SFT2D2: variants seen among roughly 807,000 people sequenced by gnomAD.
SFT2D2 encodes vesicle transport protein SFT2B.
Under a neutral mutation model 27.4 loss-of-function variants are expected in SFT2D2, and 21 were observed. The ratio of observed to expected loss-of-function variants is 0.77; its 90% CI spans 0.54 to 1.10. SFT2D2 has a LOEUF of 1.10. Ranked by LOEUF, SFT2D2 falls within the 50% of genes least tolerant of loss-of-function variation. SFT2D2 has a pLI of 0.00. For missense variants in SFT2D2, 187 were observed against 194.2 expected (o/e 0.96, Z 0.22); for synonymous variants, 72 against 71.7 (o/e 1.00, Z -0.02).
intron 1 of SFT2D2, among the ~76,000 whole-genome samples, chr1:168,227,250 T>C (rs893231575): frequency 6.6e-6 from 1 of 152,264 alleles, no homozygotes; most frequent in African/African-American, 2.4e-5. Flanking sequence ...AAAATAACGT[T>C]TCTCTTCGCT....
rs138542621 is a variant in SFT2D2, at chr1:168,231,880, C to T, written c.197C>T (p.Ala66Val). 2.1e-5 allele frequency: 34 copies of T among 1,613,958 alleles called. No individual in the cohort carries two copies. In the African/African-American group the frequency reaches 4.0e-4, roughly 19 times the overall value. ...WVPRKGLHLF[A>V]VFYTFGNIAS... ...CCCAGGAAGGGACTACACCTCTTCG[C>T]AGTGTTTTATACCTTTGGTAATATC... Residue 66 changes from alanine to valine, a missense_variant, in exon 3 of 8, where the codon GCA (alanine) becomes GTA (valine). Ala to Val is a moderately conservative substitution (Grantham distance 64). Transcript: ENST00000271375.
Position 168,239,457 on chromosome 1 carries a change from G to GTTTT in SFT2D2, c.443+314_443+317dup, listed in dbSNP as rs34187475. On this transcript the variant is annotated intron_variant, in intron 7 of 7. Transcript: ENST00000271375. Reference sequence around the variant, plus strand: ...CTTTTAACCCGTAGCTTTGAGTAGGGTTTTTTTTTTTTTTTTTTTTATAAA... The same window carrying GTTTT: ...CTTTTAACCCGTAGCTTTGAGTAGGGTTTTTTTTTTTTTTTTTTTTTTTTATAAA... 5.2e-3 allele frequency among the ~76,000 whole-genome samples: 667 copies of GTTTT among 129,454 alleles called. 4 individuals are homozygous for GTTTT. Among genetic ancestry groups the GTTTT allele is most frequent in the African/African-American group, 0.017 (591 of 34,800 alleles). 84.9% of individuals were successfully genotyped at this position (129,454 alleles called of 152,430 possible). A position where few individuals can be genotyped will look rare whatever the true frequency, so the allele number is the denominator to read the frequency against.
At chr1:168,232,954 T>TGG (rs1647367959) in intron 3 of SFT2D2, among the ~76,000 whole-genome samples, 1 of 152,164 alleles carries the variant, frequency 6.6e-6, no homozygotes, top group Non-Finnish European at 1.5e-5. Context: ...TCTCTCTGTC[T>TGG]CCTCCATTGC....
chr1:168,230,178 C>G (rs1381786958), intron 1 of SFT2D2, among the ~76,000 whole-genome samples: 2 of 152,180 alleles, frequency 1.3e-5, no homozygotes, highest in African/African-American at 4.8e-5. Context: ...GGGTTGAAAA[C>G]AGATCCCTGA....
At chr1:168,236,899 A>G (rs896784783) in intron 6 of SFT2D2, 129 bp downstream of exon 6, 27 of 1,152,494 alleles carry the variant, frequency 2.3e-5, no homozygotes, top group Non-Finnish European at 3.2e-5. Context: ...AAGGATTCGT[A>G]ATGATGAAAG....
intron 1 of SFT2D2, among the ~76,000 whole-genome samples, chr1:168,227,335 T>G (rs191754763): frequency 9.2e-5 from 14 of 152,362 alleles, no homozygotes; most frequent in Admixed American, 9.1e-4. Context: ...AACTGGAAAC[T>G]AATCAGTGTT....
chr1:168,227,279 C>T (rs529379222), intron 1 of SFT2D2, among the ~76,000 whole-genome samples: 5 of 152,294 alleles, frequency 3.3e-5, no homozygotes, highest in Admixed American at 2.6e-4. Context: ...TATTCTTTAG[C>T]CTCCGTTCCC....
At chr1:168,230,117 G>A (rs1700497811) in intron 1 of SFT2D2, among the ~76,000 whole-genome samples, 2 of 152,188 alleles carry the variant, frequency 1.3e-5, no homozygotes, top group Non-Finnish European at 2.9e-5. Context: ...CCTGAGGGGA[G>A]CCTCTCATCC....
intron 6 of SFT2D2, among the ~76,000 whole-genome samples, chr1:168,238,360 T>C (rs1198514917): frequency 6.6e-6 from 1 of 152,092 alleles, no homozygotes; most frequent in Non-Finnish European, 1.5e-5. Context: ...TATAAAATGT[T>C]AGGAGTTCAA....
chr1:168,237,958 C>A (rs1204424292), intron 6 of SFT2D2, among the ~76,000 whole-genome samples: 2 of 151,702 alleles, frequency 1.3e-5, no homozygotes, highest in African/African-American at 4.8e-5. Context: ...TATACACACA[C>A]CTTGCTTTGC....
In SFT2D2 at chr1:168,252,683, C is replaced by T. The variant is rs1453530841; in HGVS notation, c.*10143C>T. Reference sequence around the variant, plus strand: ...TTGGGAGTGAGGACATTCAAAAGCCCATGGTGAATGCATATGCCTTTAGAA... The same window carrying T: ...TTGGGAGTGAGGACATTCAAAAGCCTATGGTGAATGCATATGCCTTTAGAA... On this transcript the variant is annotated 3_prime_UTR_variant, in exon 8 of 8. Coordinates refer to ENST00000271375, the MANE Select transcript of SFT2D2 (RefSeq NM_199344.3). 6.6e-6 allele frequency: 1 copy of T among 152,058 alleles called. No homozygotes were observed. Among genetic ancestry groups the T allele is most frequent in the Non-Finnish European group, 1.5e-5 (1 of 68,034 alleles). 9.4% of individuals were successfully genotyped at this position (152,058 alleles called of 1,614,324 possible). A position where few individuals can be genotyped will look rare whatever the true frequency, so the allele number is the denominator to read the frequency against.
chr1:168,233,965 G>A (rs1647405957), intron 3 of SFT2D2, among the ~76,000 whole-genome samples: 1 of 152,212 alleles, frequency 6.6e-6, no homozygotes. Flanking sequence ...GTGAAGCCTT[G>A]CAACTTAATG....
intron 1 of SFT2D2, chr1:168,229,677 C>G (rs769453071): frequency 6.6e-6 from 1 of 152,402 alleles, no homozygotes; most frequent in African/African-American, 2.4e-5. Flanking sequence ...CTCTTTTCTT[C>G]CCACCTGCAG....
Position 168,231,881 on chromosome 1 carries a change from A to G in SFT2D2, c.198A>G (p.Ala66=), listed in dbSNP as rs756248247. 1 of 1,614,138 alleles carries G rather than the reference A, an allele frequency of 6.2e-7. No homozygotes were observed. Among genetic ancestry groups the G allele is most frequent in the Admixed American group, 1.7e-5 (1 of 60,018 alleles). The change falls in exon 3 of 8, where the codon GCA becomes GCG. Residue 66 remains alanine (A), a synonymous_variant. Transcript: ENST00000271375. ...CCAGGAAGGGACTACACCTCTTCGC[A>G]GTGTTTTATACCTTTGGTAATATCG... ...WVPRKGLHLF[A]VFYTFGNIAS... is the part of the protein sequence containing the mutation.
intron 1 of SFT2D2, among the ~76,000 whole-genome samples, chr1:168,228,065 T>C (rs938712604): frequency 6.6e-6 from 1 of 152,238 alleles, no homozygotes; most frequent in Admixed American, 6.5e-5. Flanking sequence ...TAAAATACTT[T>C]GGTCAGTTGG....
chr1:168,245,948 C>T lies in SFT2D2; in HGVS notation c.*3408C>T. On this transcript the variant is annotated 3_prime_UTR_variant, in exon 8 of 8. Coordinates refer to ENST00000271375, the MANE Select transcript of SFT2D2 (RefSeq NM_199344.3). ...ATTTTATAGTCGCTGTAAGTTGATT[C>T]CATTTTTCTTGAAATTGAATTCTCA... The T allele has an allele frequency of 6.0e-6, 1 of 168,012 alleles. No individual in the cohort carries two copies. 10.4% of individuals were successfully genotyped at this position (168,012 alleles called of 1,614,324 possible). A position where few individuals can be genotyped will look rare whatever the true frequency, so the allele number is the denominator to read the frequency against.
intron 7 of SFT2D2, among the ~76,000 whole-genome samples, chr1:168,242,186 A>T (rs1647663475): frequency 6.6e-6 from 1 of 152,186 alleles, no homozygotes; most frequent in African/African-American, 2.4e-5. Context: ...AAGTGCAGCA[A>T]TCCTGACTGA....
At chr1:168,237,248 G>C (rs942235346) in intron 6 of SFT2D2, among the ~76,000 whole-genome samples, 4 of 152,196 alleles carry the variant, frequency 2.6e-5, no homozygotes, top group African/African-American at 7.2e-5. Context: ...AGGAGATGAG[G>C]AACAGTCACT....
At chr1:168,226,676 T>A (rs1345751947) in intron 1 of SFT2D2, among the ~76,000 whole-genome samples, 2 of 152,228 alleles carry the variant, frequency 1.3e-5, no homozygotes, top group South Asian at 2.1e-4. Context: ...CACATTGCCT[T>A]GTGATTGGGG....
Sources: allele counts gnomAD v4.1 joint callset (sites outside exome capture counted in the v4.1 genomes callset), GRCh38; gene constraint gnomAD v4.1.1; transcripts MANE v1.5; gene names NCBI Gene and HGNC (gene_info 2026-07-23, HGNC 2026-07-21).